Variants in HSP90AA1 observed in about 807,000 individuals in gnomAD.
HSP90AA1 encodes the protein heat shock protein 90 alpha family class A member 1.
Under a neutral mutation model 73.3 loss-of-function variants are expected in HSP90AA1, and 18 were observed. That is an observed-to-expected ratio of 0.25 (90% CI 0.17 to 0.36). The LOEUF (loss-of-function observed/expected upper bound fraction) is 0.36, where lower values mean the gene tolerates loss of function less well. HSP90AA1 is among the 10% of genes least tolerant of loss of function. The pLI, the probability that HSP90AA1 is intolerant of heterozygous loss-of-function variation, is 1.00. For synonymous variants in HSP90AA1, 477 were observed against 296.9 expected (o/e 1.61, Z -6.24); for missense variants, 704 against 874.2 (o/e 0.81, Z 2.45).
At chr14:102,104,454 C>T (rs1595670003) in intron 1 of HSP90AA1, among the ~76,000 whole-genome samples, 1 of 152,200 alleles carries the variant, frequency 6.6e-6, no homozygotes, top group East Asian at 1.9e-4. Flanking sequence ...CTCAAGTGAT[C>T]CGCCTACCTT....
At chr14:102,115,934 C>G (rs1164330085) in intron 1 of HSP90AA1, among the ~76,000 whole-genome samples, 3 of 151,376 alleles carry the variant, frequency 2.0e-5, no homozygotes, top group African/African-American at 7.3e-5. Context: ...TTGTATTTTT[C>G]TTAAGTTTAA....
At chr14:102,097,191 G>A (rs938783416) in intron 2 of HSP90AA1, among the ~76,000 whole-genome samples, 1 of 151,916 alleles carries the variant, frequency 6.6e-6, no homozygotes, top group Non-Finnish European at 1.5e-5. Flanking sequence ...TCTCCATGTT[G>A]GCCAGGCTGG....
rs534374012 is a variant in HSP90AA1, at chr14:102,094,762, G to C, written c.366+7113C>G. Among the ~76,000 whole-genome samples, 4 of 152,304 alleles carry C rather than the reference G, an allele frequency of 2.6e-5. No individual in the cohort carries two copies. The South Asian group carries it at 8.3e-4, about 32-fold the overall frequency. ...GAAGTCAGAGGTAGGCAGGGGCCAA[G>C]GGACTGGAAACGTGGCCTGGAGATC... On this transcript the variant is annotated intron_variant, in intron 2 of 11. Transcript: ENST00000334701.
chr14:102,084,311 G>A (rs1435612770), intron 6 of HSP90AA1, 88 bp downstream of exon 6: 1 of 1,272,588 alleles, frequency 7.9e-7, no homozygotes, highest in Admixed American at 1.7e-5. Flanking sequence ...CTCCCAAAGT[G>A]CTAGGATTAT....
At position 102,119,375 on chromosome 14, in the gene HSP90AA1, T is replaced by A. The variant is rs191862840; in HGVS notation, c.156-17290A>T. On this transcript the variant is annotated intron_variant, in intron 1 of 11. Coordinates refer to the HSP90AA1 transcript ENST00000334701. Reference sequence around the variant, plus strand: ...GAGTCCTTCAATAGCATTTTAAAATTTTCATCATAAAGATCTAGCACAGTT... The same window carrying A: ...GAGTCCTTCAATAGCATTTTAAAATATTCATCATAAAGATCTAGCACAGTT... Among the ~76,000 whole-genome samples, 6 of 152,282 alleles carry A rather than the reference T, an allele frequency of 3.9e-5. No homozygotes were observed. The East Asian group carries it at 1.2e-3, about 29-fold the overall frequency.
At chr14:102,082,982 C>T (rs2049134304) in intron 9 of HSP90AA1, 52 bp downstream of exon 9, 1 of 1,574,238 alleles carries the variant, frequency 6.4e-7, no homozygotes, top group Non-Finnish European at 8.7e-7. Flanking sequence ...TATGACTAAG[C>T]TTGAAAGCAC....
At chr14:102,116,598 A>C (rs563038061) in intron 1 of HSP90AA1, among the ~76,000 whole-genome samples, 24 of 152,108 alleles carry the variant, frequency 1.6e-4, no homozygotes, top group African/African-American at 5.1e-4. Context: ...GCTGCTCTGG[A>C]CCCTGGCCCC....
chr14:102,087,005 A>T lies in HSP90AA1; in HGVS notation c.-20T>A. On this transcript the variant is annotated 5_prime_UTR_variant, in exon 1 of 11. Transcript: ENST00000216281. Reference sequence around the variant, plus strand: ...CGTCACCTTGGCTAAGTGACCGCACAGGACCAACGGCACAGCCACACCGGG... The same window carrying T: ...CGTCACCTTGGCTAAGTGACCGCACTGGACCAACGGCACAGCCACACCGGG... 6 of 984,988 alleles carry T rather than the reference A, an allele frequency of 6.1e-6. No homozygotes were observed. The highest frequency in any genetic ancestry group is 7.2e-6 in the Non-Finnish European group (6 of 830,032). 61.0% of individuals were successfully genotyped at this position (984,988 alleles called of 1,614,324 possible). A position where few individuals can be genotyped will look rare whatever the true frequency, so the allele number is the denominator to read the frequency against.
intron 1 of HSP90AA1, among the ~76,000 whole-genome samples, chr14:102,113,326 C>T (rs1316375372): frequency 6.6e-6 from 1 of 151,360 alleles, no homozygotes; most frequent in African/African-American, 2.4e-5. Context: ...GCCCGGCTTG[C>T]TTGCTTGCTT....
upstream of HSP90AA1, among the ~76,000 whole-genome samples, chr14:102,087,679 C>T (rs1467313106): frequency 6.6e-6 from 1 of 152,140 alleles, no homozygotes; most frequent in Admixed American, 6.5e-5. Context: ...GGGAGGCTGT[C>T]CCGCGGCCTG....
In HSP90AA1 at chr14:102,086,386, G is replaced by C. The variant is rs777409489; in HGVS notation, c.1-8C>G. 5 of 1,614,024 alleles carry C rather than the reference G, an allele frequency of 3.1e-6. No homozygotes were observed. Among genetic ancestry groups the C allele is most frequent in the African/African-American group, 2.7e-5 (2 of 74,936 alleles). On this transcript the variant is annotated splice_polypyrimidine_tract_variant and splice_region_variant and intron_variant, in intron 1 of 10. Transcript: ENST00000216281. ...CTGGGTTTCCTCAGGCATCTGGAAC[G>C]ACACCGCGCCGGTTTAAAACCTTGC...
At chr14:102,109,904 A>T (rs1309883080) in intron 1 of HSP90AA1, among the ~76,000 whole-genome samples, 1 of 152,126 alleles carries the variant, frequency 6.6e-6, no homozygotes, top group African/African-American at 2.4e-5. Context: ...GAGATGAGGA[A>T]CTTGTTGGGA....
Position 102,083,268 on chromosome 14 carries a change from A to G in HSP90AA1, c.1521T>C (p.Phe507=). The G allele has an allele frequency of 6.2e-7, 1 of 1,614,186 alleles. No homozygotes were observed. ...ETKDQVANSA[F]VERLRKHGLE... ...AGCCATGTTTCCGAAGACGTTCCAC[A>G]AAGGCTGAGTTAGCTACCTGGTCCT... Residue 507 remains phenylalanine, a synonymous_variant, in exon 9 of 11, where the codon TTT becomes TTC. Transcript: ENST00000216281.
intron 2 of HSP90AA1, among the ~76,000 whole-genome samples, chr14:102,098,198 G>A (rs1595667224): frequency 6.6e-6 from 1 of 151,636 alleles, no homozygotes; most frequent in Non-Finnish European, 1.5e-5. Flanking sequence ...GTCTCGCTCT[G>A]TCTCCCAAGC....
rs1178088808 is a variant in HSP90AA1, at chr14:102,086,890, G to A, written c.-1+96C>T. On this transcript the variant is annotated intron_variant, in intron 1 of 10. Coordinates refer to ENST00000216281, the MANE Select transcript of HSP90AA1 (RefSeq NM_005348.4). ...GGGAGCGCGGCCCTGGCTGCTTCAGGGATCTGGTCCGGCCCCCACAGCCTC... is the reference window on the plus strand; with the variant it reads ...GGGAGCGCGGCCCTGGCTGCTTCAGAGATCTGGTCCGGCCCCCACAGCCTC... 6 of 717,142 alleles carry A rather than the reference G, an allele frequency of 8.4e-6. No individual in the cohort carries two copies. In the African/African-American group the frequency reaches 1.1e-4, roughly 14 times the overall value. 44.4% of individuals were successfully genotyped at this position (717,142 alleles called of 1,614,324 possible). A position where few individuals can be genotyped will look rare whatever the true frequency, so the allele number is the denominator to read the frequency against.
chr14:102,109,833 T>G (rs1031207271), intron 1 of HSP90AA1, among the ~76,000 whole-genome samples: 4 of 152,178 alleles, frequency 2.6e-5, no homozygotes, highest in Non-Finnish European at 4.4e-5. Context: ...GTTGGATGGC[T>G]TTGACCAAAA....
At chr14:102,101,430 C>T (rs1244709082) in intron 2 of HSP90AA1, among the ~76,000 whole-genome samples, 1 of 152,174 alleles carries the variant, frequency 6.6e-6, no homozygotes, top group African/African-American at 2.4e-5. Flanking sequence ...CACCACCACC[C>T]TCCTAGGGTT....
intron 1 of HSP90AA1, among the ~76,000 whole-genome samples, chr14:102,114,315 C>A (rs774729242): frequency 6.6e-6 from 1 of 152,180 alleles, no homozygotes; most frequent in African/African-American, 2.4e-5. Flanking sequence ...TTATTTTGAT[C>A]TCTAAGTCAC....
At position 102,103,813 on chromosome 14, in the gene HSP90AA1, A is replaced by AC. The variant is rs376630701; in HGVS notation, c.156-1729_156-1728insG. On this transcript the variant is annotated intron_variant, in intron 1 of 11. Transcript: ENST00000334701. ...AAGCAAAACTCCGTCTCAAAACAAA[A>AC]AAAAAAAAACAAAAACCCATCTCTA... Among the ~76,000 whole-genome samples, 668 of 151,860 alleles carry AC rather than the reference A, an allele frequency of 4.4e-3. 7 individuals carry two copies. Among genetic ancestry groups the AC allele is most frequent in the African/African-American group, 0.015 (619 of 41,446 alleles).
Sources: allele counts gnomAD v4.1 joint callset (sites outside exome capture counted in the v4.1 genomes callset), GRCh38; gene constraint gnomAD v4.1.1; transcripts MANE v1.5; gene names NCBI Gene and HGNC (gene_info 2026-07-23, HGNC 2026-07-21).